STK39: variants seen among roughly 807,000 people sequenced by gnomAD.
The protein encoded by STK39 is STE20/SPS1-related proline-alanine-rich protein kinase.
Under a neutral mutation model 77.8 loss-of-function variants are expected in STK39, and 20 were observed. That is an observed-to-expected ratio of 0.26 (90% CI 0.18 to 0.37). The LOEUF is 0.37. Among genes scored for constraint, STK39 ranks in the 10% least tolerant of loss-of-function variants. The pLI is 1.00. For synonymous variants in STK39, 246 were observed against 234.1 expected (o/e 1.05, Z -0.47); for missense variants, 479 against 656.5 (o/e 0.73, Z 2.95).
intron 16 of STK39, among the ~76,000 whole-genome samples, chr2:168,011,789 C>G (rs1040603315): frequency 9.2e-5 from 14 of 152,208 alleles, no homozygotes; most frequent in Non-Finnish European, 1.9e-4. Context: ...ATTCTTCTGC[C>G]ACAACCCAGC....
chr2:168,088,925 T>C (rs1385759973), intron 10 of STK39, among the ~76,000 whole-genome samples: 2 of 152,184 alleles, frequency 1.3e-5, no homozygotes, highest in Non-Finnish European at 2.9e-5. Context: ...TTATTACTTA[T>C]AAAGGTGATA....
intron 4 of STK39, among the ~76,000 whole-genome samples, chr2:168,162,480 T>C (rs1688599653): frequency 6.6e-6 from 1 of 152,124 alleles, no homozygotes; most frequent in African/African-American, 2.4e-5. Context: ...CTCACACTAC[T>C]GTCATTCTAC....
At chr2:168,028,312 T>A (rs761721006) in intron 14 of STK39, among the ~76,000 whole-genome samples, 15 of 152,212 alleles carry the variant, frequency 9.9e-5, no homozygotes, top group Non-Finnish European at 2.2e-4. Flanking sequence ...ATTTTAAGAA[T>A]GTTTCACCTA....
At chr2:168,039,712 CTG>C (rs1408390329) in intron 14 of STK39, among the ~76,000 whole-genome samples, 1 of 151,978 alleles carries the variant, frequency 6.6e-6, no homozygotes, top group Non-Finnish European at 1.5e-5. Context: ...AGGAAATGTT[CTG>C]TGTCTTGATG....
intron 16 of STK39, among the ~76,000 whole-genome samples, chr2:168,011,639 T>G (rs1396367590): frequency 6.6e-6 from 1 of 152,210 alleles, no homozygotes; most frequent in Non-Finnish European, 1.5e-5. Context: ...AGAGCTTTTC[T>G]GCCTCCTTTG....
intron 16 of STK39, among the ~76,000 whole-genome samples, chr2:167,991,618 G>A (rs1683702643): frequency 6.6e-6 from 1 of 152,028 alleles, no homozygotes; most frequent in Non-Finnish European, 1.5e-5. Context: ...ATTTTAGGAG[G>A]GGAGCACATA....
At chr2:168,038,525 T>G (rs1685016911) in intron 14 of STK39, among the ~76,000 whole-genome samples, 1 of 151,304 alleles carries the variant, frequency 6.6e-6, no homozygotes, top group African/African-American at 2.4e-5. Flanking sequence ...AGGTAAAGAT[T>G]TCTTAAATAG....
intron 1 of STK39, among the ~76,000 whole-genome samples, chr2:168,227,950 C>T (rs1468710052): frequency 6.6e-6 from 1 of 152,168 alleles, no homozygotes; most frequent in Admixed American, 6.5e-5. Flanking sequence ...AGCCACCGCG[C>T]CTGGCCAAAA....
At chr2:168,024,145 AT>A (rs1684639714) in intron 14 of STK39, among the ~76,000 whole-genome samples, 1 of 152,194 alleles carries the variant, frequency 6.6e-6, no homozygotes, top group South Asian at 2.1e-4. Context: ...ACCAAAGTCC[AT>A]CCCCACAGTC....
chr2:168,088,204 T>G (rs1236785566), intron 10 of STK39, among the ~76,000 whole-genome samples: 1 of 152,200 alleles, frequency 6.6e-6, no homozygotes, highest in Non-Finnish European at 1.5e-5. Context: ...TACAAATGTA[T>G]GCAAACATTT....
intron 1 of STK39, among the ~76,000 whole-genome samples, chr2:168,184,771 A>G (rs1296303911): frequency 1.3e-5 from 2 of 152,134 alleles, no homozygotes; most frequent in Admixed American, 1.3e-4. Flanking sequence ...AAGGGTAAAA[A>G]CTGCTTTATG....
At chr2:167,964,604 C>T (rs1158868167) in intron 17 of STK39, 58 bp downstream of exon 17, 3 of 1,422,982 alleles carry the variant, frequency 2.1e-6, no homozygotes, top group Non-Finnish European at 3.0e-6. Flanking sequence ...GATTATTATT[C>T]CCTGCTGGCA....
At chr2:168,070,937 A>C (rs1308494753) in intron 12 of STK39, among the ~76,000 whole-genome samples, 3 of 152,314 alleles carry the variant, frequency 2.0e-5, no homozygotes, top group South Asian at 4.1e-4. Context: ...TCTTGGACTT[A>C]GGAGGATCTC....
At chr2:168,052,385 TA>T (rs1162394195) in intron 14 of STK39, among the ~76,000 whole-genome samples, 1 of 152,144 alleles carries the variant, frequency 6.6e-6, no homozygotes, top group Non-Finnish European at 1.5e-5. Flanking sequence ...GTAGGTACCT[TA>T]AAAAGTCCAT....
chr2:168,006,857 G>A (rs185457879), intron 16 of STK39, among the ~76,000 whole-genome samples: 58 of 152,248 alleles, frequency 3.8e-4, no homozygotes, highest in African/African-American at 1.3e-3. Flanking sequence ...GCTTCTGCTC[G>A]AAAGCAATCA....
At chr2:168,232,401 T>C (rs1690481018) in intron 1 of STK39, among the ~76,000 whole-genome samples, 1 of 152,144 alleles carries the variant, frequency 6.6e-6, no homozygotes, top group African/African-American at 2.4e-5. Flanking sequence ...TCCAGGTAGC[T>C]CCAAAAGACA....
intron 1 of STK39, among the ~76,000 whole-genome samples, chr2:168,206,630 C>T (rs554103954): frequency 6.6e-6 from 1 of 152,274 alleles, no homozygotes; most frequent in South Asian, 2.1e-4. Flanking sequence ...CCCTGTGTGA[C>T]TTTGGGCAGA....
chr2:168,160,995 T>G (rs1300983070), intron 5 of STK39, among the ~76,000 whole-genome samples: 1 of 151,990 alleles, frequency 6.6e-6, no homozygotes, highest in Non-Finnish European at 1.5e-5. Flanking sequence ...TGATAATTAT[T>G]GAAACTAGGT....
At chr2:168,028,039 C>G (rs1000751734) in intron 14 of STK39, among the ~76,000 whole-genome samples, 1 of 152,178 alleles carries the variant, frequency 6.6e-6, no homozygotes, top group African/African-American at 2.4e-5. Context: ...TTTTCTCTGA[C>G]AGAAACCTCT....
Sources: gnomAD v4.1 joint callset for allele counts (sites outside exome capture counted in the v4.1 genomes callset) on GRCh38, gnomAD v4.1.1 for gene constraint, MANE v1.5 for transcripts, NCBI Gene and HGNC (gene_info 2026-07-23, HGNC 2026-07-21) for gene names.